The following COL28A1 variants were observed in gnomAD, a reference collection of about 807,000 sequenced individuals.
COL28A1 encodes collagen alpha-1(XXVIII) chain.
A neutral mutation model predicts 150.2 loss-of-function variants in COL28A1; 161 were observed. The ratio of observed to expected loss-of-function variants is 1.07; its 90% CI spans 0.94 to 1.22. COL28A1 has a LOEUF of 1.22. Among genes scored for constraint, COL28A1 ranks in the 50% most tolerant of loss-of-function variants. The pLI, the probability that COL28A1 is intolerant of heterozygous loss-of-function variation, is 0.00. For synonymous variants in COL28A1, 552 were observed against 469.7 expected (o/e 1.18, Z -2.26); for missense variants, 1,617 against 1,388.3 (o/e 1.16, Z -2.62).
At chr7:7,540,158 A>C (rs1782759891), upstream of COL28A1, among the ~76,000 whole-genome samples, 2 of 152,150 alleles carry the variant, frequency 1.3e-5, no homozygotes, top group Admixed American at 6.5e-5. Context: ...CATAGGTTTG[A>C]ATGTTCAATA....
At chr7:7,348,947 T>C in the COL28A1 span, among the ~76,000 whole-genome samples, 1 of 152,062 alleles carries the variant, frequency 6.6e-6, no homozygotes, top group East Asian at 1.9e-4. Context: ...CATCCCACTA[T>C]GTTGCCCAGG....
intron 32 of COL28A1, 117 bp from the exon 33 acceptor site, chr7:7,370,999 ACTG>A (rs1781197933): frequency 5.6e-6 from 4 of 708,864 alleles, no homozygotes; most frequent in African/African-American, 1.8e-5. Context: ...CTTGAAATCA[ACTG>A]CTAAGTTAAC....
At chr7:7,395,048 T>C (rs1353422943) in intron 27 of COL28A1, among the ~76,000 whole-genome samples, 1 of 152,142 alleles carries the variant, frequency 6.6e-6, no homozygotes, top group Non-Finnish European at 1.5e-5. Context: ...TCCCAGCACT[T>C]TGGGAGGTTG....
chr7:7,415,506 T>C (rs1267093496), intron 27 of COL28A1, among the ~76,000 whole-genome samples: 1 of 152,124 alleles, frequency 6.6e-6, no homozygotes, highest in Non-Finnish European at 1.5e-5. Context: ...TGCCAGGCAA[T>C]CCAATATGTC....
At chr7:7,387,177 C>G (rs1259473085) in intron 27 of COL28A1, among the ~76,000 whole-genome samples, 1 of 152,000 alleles carries the variant, frequency 6.6e-6, no homozygotes, top group South Asian at 2.1e-4. Context: ...TTGAAGGAAA[C>G]AGAATAAACC....
chr7:7,417,292 G>A (rs74595918), intron 27 of COL28A1, among the ~76,000 whole-genome samples: 17 of 151,756 alleles, frequency 1.1e-4, no homozygotes, highest in Non-Finnish European at 1.8e-4. Context: ...CTAGAATAGA[G>A]GTTCTCACCT....
intron 27 of COL28A1, among the ~76,000 whole-genome samples, chr7:7,404,881 CTATTT>C (rs1451959683): frequency 3.3e-5 from 5 of 152,170 alleles, no homozygotes; most frequent in South Asian, 2.1e-4. Context: ...CATTCATTTA[CTATTT>C]TATTTTAATT....
At chr7:7,361,549 T>C (rs559859348) in intron 33 of COL28A1, among the ~76,000 whole-genome samples, 1 of 152,352 alleles carries the variant, frequency 6.6e-6, no homozygotes, top group African/African-American at 2.4e-5. Flanking sequence ...TGGCATGAAA[T>C]GGTATCTCAT....
chr7:7,434,420 T>G (rs113755272), intron 23 of COL28A1, among the ~76,000 whole-genome samples: 3,837 of 152,300 alleles, frequency 0.025, 152 homozygotes, highest in African/African-American at 0.08. Flanking sequence ...AAAATAAGTT[T>G]TCCACTTATC....
chr7:7,372,923 C>T lies in COL28A1; in HGVS notation c.2908+75G>A, dbSNP rs1356596504. ...TAGCCTCCAGATTTTTCTATTTGGT[C>T]AGGACAAACCAGTGATATGGTACTT... On this transcript the variant is annotated intron_variant, in intron 32 of 34. Coordinates refer to ENST00000399429, the MANE Select transcript of COL28A1 (RefSeq NM_001037763.3). 5.4e-6 allele frequency: 7 copies of T among 1,293,326 alleles called. 1 individual carries two copies. The Admixed American group carries it at 1.5e-4, about 28-fold the overall frequency. The allele number at this position is 1,293,326 out of a possible 1,614,324, so 80.1% of individuals were successfully genotyped here.
chr7:7,542,308 C>A, the COL28A1 span, among the ~76,000 whole-genome samples: 1 of 151,996 alleles, frequency 6.6e-6, no homozygotes, highest in Non-Finnish European at 1.5e-5. Context: ...TCCGGCCTGG[C>A]CACAGAGTGA....
At chr7:7,528,493 G>T (rs1376993699) in intron 3 of COL28A1, among the ~76,000 whole-genome samples, 5 of 152,044 alleles carry the variant, frequency 3.3e-5, no homozygotes, top group African/African-American at 9.7e-5. Flanking sequence ...TTTTGTCTTT[G>T]CTCCTGAAGA....
At chr7:7,502,759 G>A (rs1583519474) in intron 11 of COL28A1, among the ~76,000 whole-genome samples, 1 of 43,286 alleles carries the variant, frequency 2.3e-5, no homozygotes, top group Non-Finnish European at 3.6e-5. Context: ...GTGCAGTGGC[G>A]CGATCTCGGC....
At chr7:7,494,365 A>T (rs2128373609) in intron 11 of COL28A1, among the ~76,000 whole-genome samples, 1 of 152,212 alleles carries the variant, frequency 6.6e-6, no homozygotes, top group Non-Finnish European at 1.5e-5. Flanking sequence ...CCCTTCATGC[A>T]TGGAGTCACA....
chr7:7,507,661 T>C (rs1247966055), intron 9 of COL28A1, among the ~76,000 whole-genome samples: 2 of 152,182 alleles, frequency 1.3e-5, no homozygotes, highest in African/African-American at 4.8e-5. Flanking sequence ...CCCTTTAAAA[T>C]TTATTTTGTG....
At chr7:7,496,095 C>G (rs1306380837) in intron 11 of COL28A1, among the ~76,000 whole-genome samples, 1 of 152,170 alleles carries the variant, frequency 6.6e-6, no homozygotes, top group Non-Finnish European at 1.5e-5. Flanking sequence ...TTATTTTAAG[C>G]AGCATGGCTT....
intron 2 of COL28A1, among the ~76,000 whole-genome samples, chr7:7,532,412 G>A (rs1212079695): frequency 6.6e-6 from 1 of 151,970 alleles, no homozygotes; most frequent in African/African-American, 2.4e-5. Context: ...CCAGCTCTGT[G>A]TCTCAGTGGT....
chr7:7,384,593 TTATTATAGGTA>T (rs1219069780), intron 27 of COL28A1, among the ~76,000 whole-genome samples: 2 of 152,306 alleles, frequency 1.3e-5, no homozygotes, highest in African/African-American at 4.8e-5. Flanking sequence ...AAATTAGGCC[TTATTATAGGTA>T]TGTGTATATA....
chr7:7,509,006 G>A (rs1322458176), intron 9 of COL28A1, among the ~76,000 whole-genome samples: 1 of 152,032 alleles, frequency 6.6e-6, no homozygotes, highest in Non-Finnish European at 1.5e-5. Flanking sequence ...GCTAATTTTT[G>A]TATTTTTAGT....
Sources: gnomAD v4.1 joint callset for allele counts (sites outside exome capture counted in the v4.1 genomes callset) on GRCh38, gnomAD v4.1.1 for gene constraint, MANE v1.5 for transcripts, NCBI Gene and HGNC (gene_info 2026-07-23, HGNC 2026-07-21) for gene names.